PPP2R2D: variants seen among roughly 807,000 people sequenced by gnomAD.
PPP2R2D encodes serine/threonine-protein phosphatase 2A 55 kDa regulatory subunit B delta isoform.
PPP2R2D carries 9 observed loss-of-function variants against 31.1 expected under a neutral mutation model. That is an observed-to-expected ratio of 0.29 (90% CI 0.17 to 0.51). The LOEUF is 0.51. Ranked by LOEUF, PPP2R2D falls within the 20% of genes least tolerant of loss-of-function variation. The pLI is 0.98. For missense variants in PPP2R2D, 391 were observed against 465.6 expected (o/e 0.84, Z 1.48); for synonymous variants, 179 against 172.6 (o/e 1.04, Z -0.29).
chr10:131,941,765 A>G (rs782338268), intron 5 of PPP2R2D, among the ~76,000 whole-genome samples: 16 of 152,160 alleles, frequency 1.1e-4, no homozygotes, highest in Non-Finnish European at 1.6e-4. Flanking sequence ...CCATTTCTCC[A>G]GCTTTGCCGT....
At chr10:131,910,213 C>G (rs956251440) in intron 2 of PPP2R2D, among the ~76,000 whole-genome samples, 20 of 152,306 alleles carry the variant, frequency 1.3e-4, no homozygotes, top group Non-Finnish European at 1.6e-4. Context: ...CTGTCTTGTG[C>G]TCAGAGTGGG....
In PPP2R2D at chr10:131,956,320, C is replaced by G. The variant is rs1372713665; in HGVS notation, c.*357C>G. On this transcript the variant is annotated 3_prime_UTR_variant, in exon 9 of 9. Transcript: ENST00000455566. ...AAGTTATTGTCAGATACCGCTCTTT[C>G]TCCAACTTTCCCTCTTTCTCTGCCA... 3 of 997,394 alleles carry G rather than the reference C, an allele frequency of 3.0e-6. No individual in the cohort carries two copies. In the African/African-American group the frequency reaches 5.2e-5, roughly 17 times the overall value. 61.8% of individuals were successfully genotyped at this position (997,394 alleles called of 1,614,324 possible). A position where few individuals can be genotyped will look rare whatever the true frequency, so the allele number is the denominator to read the frequency against.
intron 2 of PPP2R2D, among the ~76,000 whole-genome samples, chr10:131,921,395 G>A (rs2035985615): frequency 6.6e-6 from 1 of 152,158 alleles, no homozygotes; most frequent in South Asian, 2.1e-4. Flanking sequence ...GAGTTCATCC[G>A]TTGCCATTTG....
In PPP2R2D at chr10:131,920,102, GTGTT is replaced by G. The variant is rs555952612; in HGVS notation, c.101-14352_101-14349del. Among the ~76,000 whole-genome samples, 245 of 147,250 alleles carry G rather than the reference GTGTT, an allele frequency of 1.7e-3. 2 individuals carry two copies. Among genetic ancestry groups the G allele is most frequent in the African/African-American group, 5.6e-3 (222 of 39,378 alleles). On this transcript the variant is annotated intron_variant, in intron 2 of 8. Coordinates refer to ENST00000455566, the MANE Select transcript of PPP2R2D (RefSeq NM_018461.5). ...GGGATCTCACACGGGTGGAATGACA[GTGTT>G]TGTAGGGACCTCACGCGGGTGGAAT...
chr10:131,949,137 C>T (rs930276649), intron 8 of PPP2R2D, among the ~76,000 whole-genome samples: 9 of 152,194 alleles, frequency 5.9e-5, no homozygotes, highest in African/African-American at 1.9e-4. Flanking sequence ...TAGCATCTCA[C>T]GGATGTTGAC....
At position 131,939,108 on chromosome 10, in the gene PPP2R2D, C is replaced by A. The variant is rs11597095; in HGVS notation, c.199-923C>A. ...CATTCAGCAGACCTGCTCCAGAAAA[C>A]ACGGCAGGCTGCATTCGGCAGACCT... is the stretch of plus-strand genomic sequence containing the variant. On this transcript the variant is annotated intron_variant, in intron 3 of 8. Transcript: ENST00000455566. 4.8e-5 allele frequency among the ~76,000 whole-genome samples: 6 copies of A among 123,796 alleles called. No individual in the cohort carries two copies. In the South Asian group the frequency reaches 7.6e-4, roughly 16 times the overall value. 81.2% of individuals were successfully genotyped at this position (123,796 alleles called of 152,430 possible). A position where few individuals can be genotyped will look rare whatever the true frequency, so the allele number is the denominator to read the frequency against.
At chr10:131,962,459 G>T (rs1291689290), downstream of PPP2R2D, among the ~76,000 whole-genome samples, 1 of 152,162 alleles carries the variant, frequency 6.6e-6, no homozygotes, top group Non-Finnish European at 1.5e-5. Context: ...TTTTCCTTTT[G>T]GTGGCTGGGA....
chr10:131,934,754 C>CTGAAGACAAAGCCTA, intron 3 of PPP2R2D, 199 bp downstream of exon 3: 1 of 590,310 alleles, frequency 1.7e-6, no homozygotes, highest in Non-Finnish European at 3.2e-6. Flanking sequence ...GTCTCCAAGG[C>CTGAAGACAAAGCCTA]CTTTGTCTTC....
chr10:131,968,563 A>G, the PPP2R2D span: 263 of 1,600,776 alleles, frequency 1.6e-4, 2 homozygotes, highest in African/African-American at 3.2e-3. Context: ...GCCTTCCAAT[A>G]TAGATCCTTC....
At chr10:131,934,429 G>A (rs781884906) in intron 2 of PPP2R2D, 29 bp from the exon 3 acceptor site, 15 of 759,136 alleles carry the variant, frequency 2.0e-5, no homozygotes, top group East Asian at 9.8e-5. Context: ...AACCGCATCC[G>A]GTAAATCGCT....
At chr10:131,916,326 T>A (rs1222339813) in intron 2 of PPP2R2D, among the ~76,000 whole-genome samples, 2 of 117,620 alleles carry the variant, frequency 1.7e-5, no homozygotes, top group Non-Finnish European at 3.5e-5. Flanking sequence ...TGGCATAGAT[T>A]GGGATTTTTT....
chr10:131,909,638 A>G (rs1161492804), intron 2 of PPP2R2D, among the ~76,000 whole-genome samples: 1 of 152,176 alleles, frequency 6.6e-6, no homozygotes, highest in Non-Finnish European at 1.5e-5. Flanking sequence ...CCTACAGAAA[A>G]CAGGCAGCTG....
At chr10:131,915,298 A>G (rs2035758355) in intron 2 of PPP2R2D, among the ~76,000 whole-genome samples, 1 of 152,176 alleles carries the variant, frequency 6.6e-6, no homozygotes, top group South Asian at 2.1e-4. Context: ...TTTCGTAGGC[A>G]TTGAAGGCTG....
Position 131,945,621 on chromosome 10 carries a change from A to G in PPP2R2D, c.820+162A>G. ...ACCACAGGCAGGTGCCACCATGCCC[A>G]GCTAGTTTTTGTATTTTTAGTACAG... On this transcript the variant is annotated intron_variant, in intron 7 of 8. Coordinates refer to ENST00000455566, the MANE Select transcript of PPP2R2D (RefSeq NM_018461.5). The surrounding 1 kb of genome is among the most constrained non-coding windows in gnomAD (Gnocchi z 4.8). The G allele has an allele frequency of 2.6e-6, 2 of 777,394 alleles. No individual in the cohort carries two copies. The highest frequency in any genetic ancestry group is 3.7e-5 in the South Asian group (2 of 53,440). The allele number at this position is 777,394 out of a possible 1,614,324, so 48.2% of individuals were successfully genotyped here.
chr10:131,951,829 C>A (rs1411103340), intron 8 of PPP2R2D, among the ~76,000 whole-genome samples: 11 of 151,630 alleles, frequency 7.3e-5, no homozygotes, highest in Non-Finnish European at 1.3e-4. Context: ...CAAAAAAAAA[C>A]AAAAAAAATC....
In PPP2R2D at chr10:131,956,064, G is replaced by C; in HGVS notation, c.*101G>C. 1 of 1,290,628 alleles carries C rather than the reference G, an allele frequency of 7.7e-7. No homozygotes were observed. The highest frequency in any genetic ancestry group is 3.1e-5 in the East Asian group (1 of 32,770). 79.9% of individuals were successfully genotyped at this position (1,290,628 alleles called of 1,614,324 possible). A position where few individuals can be genotyped will look rare whatever the true frequency, so the allele number is the denominator to read the frequency against. ...TGTCCGCTCCATTAAGAACAGTGAC[G>C]CACCTGCTACTTCCCTTCACAGACA... On this transcript the variant is annotated 3_prime_UTR_variant, in exon 9 of 9. Coordinates refer to ENST00000455566, the MANE Select transcript of PPP2R2D (RefSeq NM_018461.5).
chr10:131,915,189 A>G (rs1249262698), intron 2 of PPP2R2D, among the ~76,000 whole-genome samples: 3 of 152,022 alleles, frequency 2.0e-5, no homozygotes, highest in Non-Finnish European at 4.4e-5. Context: ...ACATAACTAG[A>G]TTTAAAAGAA....
chr10:131,921,152 A>G (rs2035979116), intron 2 of PPP2R2D, among the ~76,000 whole-genome samples: 1 of 152,198 alleles, frequency 6.6e-6, no homozygotes, highest in African/African-American at 2.4e-5. Flanking sequence ...AGGCAAGGGA[A>G]ATACTTGTCA....
At position 131,957,769 on chromosome 10, in the gene PPP2R2D, C is replaced by A. The variant is rs1161940426; in HGVS notation, c.*1806C>A. ...TGAAGGGGTGTGCCAATCCCCCGCG[C>A]CCCTGTGGAGATGGAGGCGTGTGCT... On this transcript the variant is annotated 3_prime_UTR_variant, in exon 9 of 9. Coordinates refer to ENST00000455566, the MANE Select transcript of PPP2R2D (RefSeq NM_018461.5). 1 of 155,884 alleles carries A rather than the reference C, an allele frequency of 6.4e-6. No individual in the cohort carries two copies. The highest frequency in any genetic ancestry group is 6.9e-5 in the Admixed American group (1 of 14,542). The allele number at this position is 155,884 out of a possible 1,614,324, so 9.7% of individuals were successfully genotyped here.
Sources: allele counts gnomAD v4.1 joint callset (sites outside exome capture counted in the v4.1 genomes callset), GRCh38; gene constraint gnomAD v4.1.1; non-coding constraint Gnocchi (gnomAD v3.1); transcripts MANE v1.5; gene names NCBI Gene and HGNC (gene_info 2026-07-23, HGNC 2026-07-21).